Variants in INTS9 observed in about 807,000 individuals in gnomAD.
The protein encoded by INTS9 is integrator complex subunit 9.
A neutral mutation model predicts 79.7 loss-of-function variants in INTS9; 55 were observed. The ratio of observed to expected loss-of-function variants is 0.69; its 90% CI spans 0.56 to 0.86. The LOEUF (loss-of-function observed/expected upper bound fraction) is 0.86. Ranked by LOEUF, INTS9 falls within the 40% of genes least tolerant of loss-of-function variation. INTS9 has a pLI of 0.00. For missense variants in INTS9, 721 were observed against 831.5 expected (o/e 0.87, Z 1.64); for synonymous variants, 319 against 325.2 (o/e 0.98, Z 0.20).
intron 1 of INTS9, among the ~76,000 whole-genome samples, chr8:28,880,019 TTTACATA>T (rs967371305): frequency 1.2e-4 from 18 of 152,054 alleles, no homozygotes; most frequent in Non-Finnish European, 1.0e-4. Flanking sequence ...ATGCAAGAAT[TTTACATA>T]TTACATATTA....
At chr8:28,866,648 C>A (rs1808762736) in intron 1 of INTS9, among the ~76,000 whole-genome samples, 1 of 152,168 alleles carries the variant, frequency 6.6e-6, no homozygotes, top group Admixed American at 6.5e-5. Flanking sequence ...AAGATTAAAT[C>A]ATATTATGTT....
Position 28,819,996 on chromosome 8 carries a change from A to G in INTS9, c.489-6384T>C, listed in dbSNP as rs572225711. 9.0e-4 allele frequency among the ~76,000 whole-genome samples: 136 copies of G among 151,676 alleles called. 1 individual carries two copies. Among genetic ancestry groups the G allele is most frequent in the African/African-American group, 3.0e-3 (122 of 41,300 alleles). On this transcript the variant is annotated intron_variant, in intron 6 of 16. Transcript: ENST00000521022. ...CAACCCCTGCCTTTTTTTGTTTTCC[A>G]TTTGCTTGGTAGATCTTCCTCCATC...
chr8:28,780,053 G>GTTTTT (rs66631307), intron 12 of INTS9, among the ~76,000 whole-genome samples: 4 of 137,128 alleles, frequency 2.9e-5, no homozygotes, highest in Non-Finnish European at 3.1e-5. Flanking sequence ...TCAAATCAAG[G>GTTTTT]TTTTTTTTTT....
intron 12 of INTS9, among the ~76,000 whole-genome samples, chr8:28,778,350 G>A (rs1482447307): frequency 6.6e-6 from 1 of 152,168 alleles, no homozygotes; most frequent in Non-Finnish European, 1.5e-5. Flanking sequence ...CCATTTTGAG[G>A]GAGAACAGAA....
rs574093424 is a variant in INTS9, at chr8:28,889,904, T to C, written c.-22A>G. The C allele has an allele frequency of 3.0e-4, 482 of 1,610,994 alleles. 4 individuals are homozygous for C. In the South Asian group the frequency reaches 5.0e-3, roughly 17 times the overall value. On this transcript the variant is annotated 5_prime_UTR_variant, in exon 1 of 17. Transcript: ENST00000521022. ...TCATAATGGACTTTTGGTGGTTCAA[T>C]AGCAGTCACTGAACTCCTCAAACCC... is the stretch of plus-strand genomic sequence containing the variant.
At chr8:28,865,469 C>T (rs1342424193) in intron 1 of INTS9, among the ~76,000 whole-genome samples, 1 of 143,816 alleles carries the variant, frequency 7.0e-6, no homozygotes, top group Non-Finnish European at 1.5e-5. Flanking sequence ...TAGACCCCAT[C>T]TCTAAAAAAA....
At chr8:28,770,630 C>T (rs1802474038) in intron 15 of INTS9, among the ~76,000 whole-genome samples, 1 of 152,222 alleles carries the variant, frequency 6.6e-6, no homozygotes, top group Admixed American at 6.5e-5. Flanking sequence ...AGCTGAAGTG[C>T]CACCCACCTG....
At chr8:28,870,763 A>C (rs1279224801) in intron 1 of INTS9, among the ~76,000 whole-genome samples, 1 of 152,216 alleles carries the variant, frequency 6.6e-6, no homozygotes, top group African/African-American at 2.4e-5. Context: ...TCCCTAACTC[A>C]ACAGACTTTC....
At chr8:28,857,465 G>A (rs1808237789) in intron 2 of INTS9, among the ~76,000 whole-genome samples, 1 of 152,050 alleles carries the variant, frequency 6.6e-6, no homozygotes, top group African/African-American at 2.4e-5. Context: ...ACTGGACAGG[G>A]TTTAGAAATG....
At chr8:28,866,714 C>G (rs915012048) in intron 1 of INTS9, among the ~76,000 whole-genome samples, 1 of 150,134 alleles carries the variant, frequency 6.7e-6, no homozygotes, top group Non-Finnish European at 1.5e-5. Context: ...TGGTGGCTCA[C>G]GCCTGTAATC....
At chr8:28,775,393 G>A (rs770990633) in intron 14 of INTS9, among the ~76,000 whole-genome samples, 7 of 152,222 alleles carry the variant, frequency 4.6e-5, no homozygotes, top group African/African-American at 1.7e-4. Flanking sequence ...CTGGAGTGCA[G>A]TGGTGTGATC....
intron 1 of INTS9, among the ~76,000 whole-genome samples, chr8:28,884,009 C>G (rs1810034987): frequency 6.6e-6 from 1 of 151,976 alleles, no homozygotes; most frequent in Admixed American, 6.6e-5. Flanking sequence ...GCAAACCAGT[C>G]ACAAAACAAA....
intron 12 of INTS9, 152 bp from the exon 13 acceptor site, chr8:28,778,105 C>T (rs779067666): frequency 2.4e-5 from 18 of 754,634 alleles, no homozygotes; most frequent in South Asian, 1.2e-4. Flanking sequence ...AAAGGGGCCC[C>T]GTGGAAGGAG....
At chr8:28,789,071 C>T (rs1464082262) in intron 10 of INTS9, among the ~76,000 whole-genome samples, 1 of 152,168 alleles carries the variant, frequency 6.6e-6, no homozygotes, top group African/African-American at 2.4e-5. Context: ...TTATACCCTA[C>T]TTGGAAGATA....
intron 8 of INTS9, among the ~76,000 whole-genome samples, chr8:28,806,300 A>G (rs1244946534): frequency 6.6e-6 from 1 of 152,224 alleles, no homozygotes; most frequent in Non-Finnish European, 1.5e-5. Context: ...CTTTTAATGC[A>G]GTTTTTATAG....
intron 10 of INTS9, among the ~76,000 whole-genome samples, chr8:28,792,755 A>T (rs1028098913): frequency 1.3e-5 from 2 of 152,226 alleles, no homozygotes; most frequent in South Asian, 2.1e-4. Context: ...TCTACTAAGA[A>T]TACAAAAATT....
chr8:28,778,518 GC>G (rs1006276408), intron 12 of INTS9, among the ~76,000 whole-genome samples: 2 of 152,160 alleles, frequency 1.3e-5, no homozygotes, highest in Admixed American at 6.5e-5. Flanking sequence ...CAAGCGCACG[GC>G]CCCGCCTCCA....
intron 1 of INTS9, among the ~76,000 whole-genome samples, chr8:28,886,418 T>C (rs944816191): frequency 6.6e-6 from 1 of 152,060 alleles, no homozygotes; most frequent in African/African-American, 2.4e-5. Context: ...CAGCTAGTTT[T>C]TGTATCTTTT....
chr8:28,808,888 C>T (rs562683051), intron 8 of INTS9, among the ~76,000 whole-genome samples: 3 of 152,212 alleles, frequency 2.0e-5, no homozygotes, highest in Admixed American at 2.0e-4. Flanking sequence ...AAAGATTGTA[C>T]TCAAGTAGAC....
Sources: allele counts gnomAD v4.1 joint callset (sites outside exome capture counted in the v4.1 genomes callset), GRCh38; gene constraint gnomAD v4.1.1; transcripts MANE v1.5; gene names NCBI Gene and HGNC (gene_info 2026-07-23, HGNC 2026-07-21).